Variants in SH3RF3 observed in about 807,000 individuals in gnomAD.
The protein encoded by SH3RF3 is E3 ubiquitin-protein ligase SH3RF3.
Under a neutral mutation model 66.3 loss-of-function variants are expected in SH3RF3, and 29 were observed. That is an observed-to-expected ratio of 0.44 (90% CI 0.33 to 0.60). The LOEUF (loss-of-function observed/expected upper bound fraction) is 0.60, where lower values mean the gene tolerates loss of function less well. SH3RF3 is among the 20% of genes least tolerant of loss of function. SH3RF3 has a pLI of 0.04. For missense variants in SH3RF3, 1,194 were observed against 1,190.9 expected (o/e 1.00, Z -0.04); for synonymous variants, 583 against 532.0 (o/e 1.10, Z -1.32).
intron 8 of SH3RF3, among the ~76,000 whole-genome samples, chr2:109,469,555 G>A (rs1678448600): frequency 6.6e-6 from 1 of 152,100 alleles, no homozygotes; most frequent in Non-Finnish European, 1.5e-5. Context: ...GAAAATAACA[G>A]TTAATGTGTC....
intron 1 of SH3RF3, among the ~76,000 whole-genome samples, chr2:109,270,578 G>A (rs1165352687): frequency 6.6e-6 from 1 of 152,170 alleles, no homozygotes; most frequent in Non-Finnish European, 1.5e-5. Flanking sequence ...GCCGTTTCAG[G>A]TCAAAGCGGA....
chr2:109,391,520 T>C (rs1173605975), intron 3 of SH3RF3, among the ~76,000 whole-genome samples: 1 of 152,234 alleles, frequency 6.6e-6, no homozygotes, highest in East Asian at 1.9e-4. Context: ...GCTCAGCCTC[T>C]GTCAAACTAA....
At chr2:109,187,720 C>G (rs1185928762) in intron 1 of SH3RF3, among the ~76,000 whole-genome samples, 1 of 152,156 alleles carries the variant, frequency 6.6e-6, no homozygotes, top group Non-Finnish European at 1.5e-5. Flanking sequence ...ATATATTCTC[C>G]TTGTTAAGTG....
chr2:109,444,980 G>C (rs1445682245), intron 7 of SH3RF3, among the ~76,000 whole-genome samples: 1 of 152,162 alleles, frequency 6.6e-6, no homozygotes, highest in Non-Finnish European at 1.5e-5. Context: ...GGATGGCTAT[G>C]AATCAGAAAC....
intron 1 of SH3RF3, among the ~76,000 whole-genome samples, chr2:109,329,446 G>C (rs1682234106): frequency 6.6e-6 from 1 of 152,220 alleles, no homozygotes; most frequent in Admixed American, 6.5e-5. Context: ...TAAATCAGTG[G>C]CTTCAAATGG....
At chr2:109,442,583 T>G (rs1035680919) in intron 7 of SH3RF3, among the ~76,000 whole-genome samples, 10 of 152,238 alleles carry the variant, frequency 6.6e-5, no homozygotes, top group Non-Finnish European at 1.3e-4. Flanking sequence ...AACACAAAGT[T>G]TGGGAAGGGA....
At chr2:109,330,728 A>C (rs1682263969) in intron 1 of SH3RF3, among the ~76,000 whole-genome samples, 1 of 152,142 alleles carries the variant, frequency 6.6e-6, no homozygotes, top group Non-Finnish European at 1.5e-5. Context: ...TAAACAAATA[A>C]ATGGAGAGAT....
At chr2:109,281,044 G>A (rs1378706274) in intron 1 of SH3RF3, among the ~76,000 whole-genome samples, 1 of 152,172 alleles carries the variant, frequency 6.6e-6, no homozygotes, top group Non-Finnish European at 1.5e-5. Context: ...TGTCCCCAGA[G>A]CCGACCTTGT....
chr2:109,143,969 T>A (rs1677029313), intron 1 of SH3RF3, among the ~76,000 whole-genome samples: 1 of 152,206 alleles, frequency 6.6e-6, no homozygotes, highest in South Asian at 2.1e-4. Flanking sequence ...AAATACTGTG[T>A]GATCTCATTC....
intron 2 of SH3RF3, among the ~76,000 whole-genome samples, chr2:109,361,589 T>G (rs1393309882): frequency 6.6e-6 from 1 of 152,192 alleles, no homozygotes; most frequent in Non-Finnish European, 1.5e-5. Context: ...TTCTCCTGCC[T>G]CAGCCTCCCA....
chr2:109,205,112 T>A (rs974122955), intron 1 of SH3RF3, among the ~76,000 whole-genome samples: 4 of 152,128 alleles, frequency 2.6e-5, no homozygotes, highest in Non-Finnish European at 5.9e-5. Context: ...GAGGCCGAGG[T>A]AGGAGGATGC....
intron 1 of SH3RF3, among the ~76,000 whole-genome samples, chr2:109,281,566 G>A (rs1680894299): frequency 6.6e-6 from 1 of 152,206 alleles, no homozygotes; most frequent in Non-Finnish European, 1.5e-5. Flanking sequence ...CACTGTGGGA[G>A]AGTTAAGGAT....
intron 1 of SH3RF3, among the ~76,000 whole-genome samples, chr2:109,214,857 C>T (rs532385844): frequency 2.0e-5 from 3 of 152,252 alleles, no homozygotes; most frequent in East Asian, 1.9e-4. Flanking sequence ...CTGGGGGTGA[C>T]GCGGACAGCA....
chr2:109,163,691 G>A (rs113502146), intron 1 of SH3RF3, among the ~76,000 whole-genome samples: 1,724 of 152,230 alleles, frequency 0.011, 26 homozygotes, highest in African/African-American at 0.036. Flanking sequence ...GAGCCACCGC[G>A]CCTGGCCGCA....
chr2:109,237,480 A>C (rs1679676620), intron 1 of SH3RF3, among the ~76,000 whole-genome samples: 1 of 152,240 alleles, frequency 6.6e-6, no homozygotes, highest in Non-Finnish European at 1.5e-5. Flanking sequence ...ATGGATTGGA[A>C]GTCTTTAAAA....
chr2:109,173,252 G>A (rs112125944), intron 1 of SH3RF3, among the ~76,000 whole-genome samples: 1 of 152,204 alleles, frequency 6.6e-6, no homozygotes, highest in African/African-American at 2.4e-5. Flanking sequence ...CTTAAGAATT[G>A]TCTGGCTCAG....
intron 1 of SH3RF3, among the ~76,000 whole-genome samples, chr2:109,221,523 G>A (rs373160968): frequency 4.6e-5 from 7 of 151,206 alleles, no homozygotes; most frequent in African/African-American, 9.8e-5. Context: ...CAGAGGCTGC[G>A]GTAAGCCGCG....
intron 9 of SH3RF3, among the ~76,000 whole-genome samples, chr2:109,494,455 G>C (rs991856265): frequency 2.0e-5 from 3 of 152,196 alleles, no homozygotes; most frequent in Non-Finnish European, 4.4e-5. Flanking sequence ...GCAGGTCGGA[G>C]CTGAGGGCAT....
At chr2:109,320,745 G>A (rs1292783239) in intron 1 of SH3RF3, among the ~76,000 whole-genome samples, 3 of 152,182 alleles carry the variant, frequency 2.0e-5, no homozygotes, top group Admixed American at 6.5e-5. Context: ...ACAACGTCAG[G>A]CAGATGAACT....
Sources: gnomAD v4.1 joint callset for allele counts (sites outside exome capture counted in the v4.1 genomes callset) on GRCh38, gnomAD v4.1.1 for gene constraint, MANE v1.5 for transcripts, NCBI Gene and HGNC (gene_info 2026-07-23, HGNC 2026-07-21) for gene names.